Variants in STARD13 observed in about 807,000 individuals in gnomAD.
The protein encoded by STARD13 is StAR related lipid transfer domain containing 13.
In STARD13, 62 loss-of-function variants were observed where a neutral mutation model predicts 106.4. That is an observed-to-expected ratio of 0.58 (90% CI 0.48 to 0.72). The LOEUF (loss-of-function observed/expected upper bound fraction) is 0.72, where lower values mean the gene tolerates loss of function less well. Among genes scored for constraint, STARD13 ranks in the 30% least tolerant of loss-of-function variants. The pLI is 0.00. For missense variants in STARD13, 1,387 were observed against 1,424.0 expected (o/e 0.97, Z 0.42); for synonymous variants, 565 against 553.0 (o/e 1.02, Z -0.31).
the STARD13 span, among the ~76,000 whole-genome samples, chr13:33,464,847 A>G: frequency 6.6e-6 from 1 of 152,082 alleles, no homozygotes; most frequent in Non-Finnish European, 1.5e-5. Context: ...CAAAAAAAAA[A>G]TTGTTGAACG....
At position 33,318,149 on chromosome 13, in the gene STARD13, C is replaced by CAA. The variant is rs146094100; in HGVS notation, c.124+32139_124+32140dup. On this transcript the variant is annotated intron_variant, in intron 1 of 5. Transcript: ENST00000567873. ...TATTTTACACCTTAAATTATGCTAC[C>CAA]AAAAAGTAGTATCACCCTCAGTTTA... Among the ~76,000 whole-genome samples, 745 of 152,208 alleles carry CAA rather than the reference C, an allele frequency of 4.9e-3. 7 individuals carry two copies. The highest frequency in any genetic ancestry group is 0.017 in the African/African-American group (699 of 41,506).
At chr13:33,460,417 G>A in the STARD13 span, among the ~76,000 whole-genome samples, 2 of 151,762 alleles carry the variant, frequency 1.3e-5, no homozygotes, top group African/African-American at 4.8e-5. Context: ...CTTGAACCTG[G>A]GAGGCAGAGG....
At chr13:33,546,909 C>CT in the STARD13 span, among the ~76,000 whole-genome samples, 1 of 151,588 alleles carries the variant, frequency 6.6e-6, no homozygotes. Context: ...ATGAGAGATA[C>CT]TTTTTTTTGG....
the STARD13 span, among the ~76,000 whole-genome samples, chr13:33,482,763 T>C: frequency 1.8e-4 from 27 of 152,334 alleles, no homozygotes; most frequent in African/African-American, 5.3e-4. Flanking sequence ...TGTTCTTTTG[T>C]TTGGTACACT....
chr13:33,313,090 T>G (rs978160516), intron 1 of STARD13, among the ~76,000 whole-genome samples: 1 of 152,228 alleles, frequency 6.6e-6, no homozygotes, highest in Admixed American at 6.5e-5. Flanking sequence ...TATGAAAGAC[T>G]GTAGATTGTT....
chr13:33,236,823 G>A lies in STARD13; in HGVS notation c.169+48647C>T, dbSNP rs1889214629. Among the ~76,000 whole-genome samples, 3 of 152,174 alleles carry A rather than the reference G, an allele frequency of 2.0e-5. No individual in the cohort carries two copies. In the South Asian group the frequency reaches 6.2e-4, roughly 31 times the overall value. Reference sequence around the variant, plus strand: ...CTCAATAGCTTTCTTCAACGTTGTTGCATTACTGAATGTATTACTTTTAGA... The same window carrying A: ...CTCAATAGCTTTCTTCAACGTTGTTACATTACTGAATGTATTACTTTTAGA... On this transcript the variant is annotated intron_variant, in intron 1 of 13. Coordinates refer to ENST00000336934, the MANE Select transcript of STARD13 (RefSeq NM_178006.4).
chr13:33,605,319 G>A, the STARD13 span, among the ~76,000 whole-genome samples: 1 of 151,252 alleles, frequency 6.6e-6, no homozygotes, highest in Non-Finnish European at 1.5e-5. Context: ...CCGGGCTCAA[G>A]TGATCCTCCT....
chr13:33,314,691 C>T (rs1198049650), intron 1 of STARD13, among the ~76,000 whole-genome samples: 1 of 152,156 alleles, frequency 6.6e-6, no homozygotes, highest in Admixed American at 6.5e-5. Flanking sequence ...ATTATTATCC[C>T]TATGCTACAG....
chr13:33,172,720 A>G (rs550902057), intron 1 of STARD13, among the ~76,000 whole-genome samples: 6 of 152,320 alleles, frequency 3.9e-5, no homozygotes, highest in African/African-American at 1.2e-4. Context: ...ACTGAAAGGT[A>G]TTGGGTATCC....
rs779980747 is a variant in STARD13 at position 33,111,842 on chromosome 13, T to C, written c.2543A>G (p.Asn848Ser). ...ATGKPDQKDL[N>S]ENLAAAQGLA... ...CCCCTGAGCTGCTGCCAGATTCTCGTTGAGGTCCTTTTGATCTGGCTTCCC... is the reference window on the plus strand; with the variant it reads ...CCCCTGAGCTGCTGCCAGATTCTCGCTGAGGTCCTTTTGATCTGGCTTCCC... The change falls in exon 10 of 14, where the codon AAC (asparagine) becomes AGC (serine). Residue 848 changes from asparagine (N) to serine (S), a missense_variant. By Grantham distance (46) the Asn-to-Ser change is conservative (BLOSUM62 1). Transcript: ENST00000336934. 5 of 1,614,158 alleles carry C rather than the reference T, an allele frequency of 3.1e-6. No homozygotes were observed. The highest frequency in any genetic ancestry group is 4.5e-5 in the East Asian group (2 of 44,886).
At chr13:33,441,628 A>G in the STARD13 span, among the ~76,000 whole-genome samples, 4 of 152,226 alleles carry the variant, frequency 2.6e-5, no homozygotes, top group East Asian at 7.7e-4. Context: ...GGAAATTCGG[A>G]AAAACAGATG....
chr13:33,152,830 C>T (rs1411308125), intron 3 of STARD13, among the ~76,000 whole-genome samples: 1 of 152,130 alleles, frequency 6.6e-6, no homozygotes, highest in South Asian at 2.1e-4. Context: ...TGTGCCTGGT[C>T]CCGCGTTAAT....
chr13:33,414,191 C>T, the STARD13 span, among the ~76,000 whole-genome samples: 28 of 152,224 alleles, frequency 1.8e-4, no homozygotes, highest in Admixed American at 1.4e-3. Flanking sequence ...ATTCTGACTA[C>T]GATGCAGAGA....
chr13:33,360,659 T>C, the STARD13 span, among the ~76,000 whole-genome samples: 1 of 135,014 alleles, frequency 7.4e-6, no homozygotes, highest in African/African-American at 2.8e-5. Flanking sequence ...ACAGAAGGAT[T>C]CCTTCTGTGT....
the STARD13 span, among the ~76,000 whole-genome samples, chr13:33,419,448 T>A: frequency 6.6e-6 from 1 of 152,054 alleles, no homozygotes; most frequent in Non-Finnish European, 1.5e-5. Context: ...GAACAAAGCC[T>A]CCAAGAAATA....
the STARD13 span, among the ~76,000 whole-genome samples, chr13:33,502,304 T>G: frequency 6.6e-6 from 1 of 152,232 alleles, no homozygotes; most frequent in Non-Finnish European, 1.5e-5. Context: ...TGGGGTTTTC[T>G]AAATATACAA....
the STARD13 span, among the ~76,000 whole-genome samples, chr13:33,542,825 A>G: frequency 2.0e-5 from 3 of 152,088 alleles, no homozygotes; most frequent in Non-Finnish European, 4.4e-5. Flanking sequence ...TCGGTGCGGC[A>G]GCGCCATCTG....
At chr13:33,240,405 A>C (rs1327332874) in intron 1 of STARD13, among the ~76,000 whole-genome samples, 1 of 152,110 alleles carries the variant, frequency 6.6e-6, no homozygotes, top group East Asian at 1.9e-4. Flanking sequence ...AATTTTTTCT[A>C]CTTCTGCAAA....
the STARD13 span, among the ~76,000 whole-genome samples, chr13:33,509,103 T>G: frequency 6.6e-6 from 1 of 152,206 alleles, no homozygotes; most frequent in Admixed American, 6.5e-5. Flanking sequence ...CATTATGCAA[T>G]GCATGACTTG....
Sources: allele counts gnomAD v4.1 joint callset (sites outside exome capture counted in the v4.1 genomes callset), GRCh38; gene constraint gnomAD v4.1.1; transcripts MANE v1.5; gene names NCBI Gene and HGNC (gene_info 2026-07-23, HGNC 2026-07-21).